LPO: variants seen among roughly 807,000 people sequenced by gnomAD.
LPO encodes lactoperoxidase, also known as salivary peroxidase.
LPO carries 70 observed loss-of-function variants against 68.4 expected under a neutral mutation model. The ratio of observed to expected loss-of-function variants is 1.02; its 90% CI spans 0.84 to 1.25. LPO has a LOEUF of 1.25. Among genes scored for constraint, LPO ranks in the 50% most tolerant of loss-of-function variants. The pLI is 0.00. For missense variants in LPO, 873 were observed against 908.4 expected, an observed-to-expected ratio of 0.96 and a Z score of 0.50; for synonymous variants, 360 against 357.6, an observed-to-expected ratio of 1.01 and a Z score of -0.08.
chr17:58,256,682 C>A (rs1052366549), intron 9 of LPO, among the ~76,000 whole-genome samples: 1 of 151,766 alleles, frequency 6.6e-6, no homozygotes, highest in Non-Finnish European at 1.5e-5. Context: ...GGTGTGGTGG[C>A]ATGCGCCTGT....
At chr17:58,253,876 T>G (rs1228184984) in intron 8 of LPO, among the ~76,000 whole-genome samples, 1 of 152,042 alleles carries the variant, frequency 6.6e-6, no homozygotes, top group Non-Finnish European at 1.5e-5. Flanking sequence ...TTTGGGAGGC[T>G]TAGGTGGGAG....
intron 3 of LPO, among the ~76,000 whole-genome samples, chr17:58,244,911 C>T (rs373158382): frequency 7.9e-5 from 12 of 152,326 alleles, no homozygotes; most frequent in African/African-American, 2.2e-4. Flanking sequence ...GCAACGTGGG[C>T]GCCTTCCCTC....
At position 58,260,113 on chromosome 17, in the gene LPO, C is replaced by T. The variant is rs146045245; in HGVS notation, c.1267-4609C>T. Among the ~76,000 whole-genome samples the T allele has an allele frequency of 1.8e-3, 271 of 152,302 alleles. 2 individuals are homozygous for T. The highest frequency in any genetic ancestry group is 6.3e-3 in the African/African-American group (261 of 41,554). ...CAGGCGTGAGCCACCATGCCCAGCC[C>T]AGTATTTCATTTTCTTTGGAGGAAT... On this transcript the variant is annotated intron_variant, in intron 9 of 12. Transcript: ENST00000262290.
At chr17:58,260,832 G>GT (rs1161531395) in intron 9 of LPO, among the ~76,000 whole-genome samples, 1 of 152,068 alleles carries the variant, frequency 6.6e-6, no homozygotes, top group African/African-American at 2.4e-5. Flanking sequence ...GATATATTGT[G>GT]TTTTTATTTT....
chr17:58,247,417 G>A, intron 3 of LPO, 61 bp from the exon 4 acceptor site: 3 of 1,169,262 alleles, frequency 2.6e-6, no homozygotes, highest in Non-Finnish European at 1.2e-6. Flanking sequence ...CACCCCTCCA[G>A]CGGCCCCCAG....
intron 6 of LPO, among the ~76,000 whole-genome samples, chr17:58,250,042 C>G (rs1969929572): frequency 6.6e-6 from 1 of 152,148 alleles, no homozygotes; most frequent in Non-Finnish European, 1.5e-5. Context: ...GAGCTGGCAG[C>G]CCCTACCCAG....
At position 58,266,270 on chromosome 17, in the gene LPO, A is replaced by G; in HGVS notation, c.1637A>G (p.His546Arg). Residue 546 changes from histidine (H) to arginine (R), a missense_variant, in exon 11 of 13, where the codon CAT (histidine) becomes CGT (arginine). Physicochemically the swap from His to Arg is conservative, Grantham distance 29 (BLOSUM62 0). Transcript: ENST00000262290. ...NKLFQPTHRI[H>R]GFDLAAINTQ... The stretch of plus-strand genomic sequence containing the variant: ...CTTTTCCAGCCAACTCACAGGATCC[A>G]TGGCTTTGACCTGGCTGCCATCAAC... The G allele has an allele frequency of 1.9e-6, 3 of 1,614,164 alleles. No individual in the cohort carries two copies. The highest frequency in any genetic ancestry group is 1.3e-5 in the African/African-American group (1 of 75,042).
intron 8 of LPO, among the ~76,000 whole-genome samples, chr17:58,253,774 T>G (rs1970008717): frequency 6.6e-6 from 1 of 152,192 alleles, no homozygotes; most frequent in Non-Finnish European, 1.5e-5. Context: ...TCTTTCTTGT[T>G]TTTCATAAAA....
At position 58,252,272 on chromosome 17, in the gene LPO, T is replaced by A; in HGVS notation, c.871T>A (p.Ser291Thr). Residue 291 changes from serine (S) to threonine (T), a missense_variant, in exon 8 of 13, where the codon TCC (serine) becomes ACC (threonine). Transcript: ENST00000262290. ...GFVCPTPPYK[S>T]LAREQINALT... ...CGTCTGCCCCACTCCACCCTACAAG[T>A]CCCTGGCCCGAGAGCAGATCAACGC... is the stretch of plus-strand genomic sequence containing the variant. 3.1e-6 allele frequency: 5 copies of A among 1,614,096 alleles called. No individual in the cohort carries two copies. Among genetic ancestry groups the A allele is most frequent in the Non-Finnish European group, 4.2e-6 (5 of 1,180,002 alleles).
chr17:58,249,171 A>AT lies in LPO; in HGVS notation c.438dup (p.Asn147Ter). On this transcript the variant is annotated frameshift_variant, in exon 5 of 13. Coordinates refer to ENST00000262290, the MANE Select transcript of LPO (RefSeq NM_006151.3). LOFTEE classifies it high-confidence loss of function. Reference sequence around the variant, plus strand: ...TACCGCACCATTACGGGAGACTGCAATAACAGGTGGCGGGGCTTGGGGTGT... The same window carrying AT: ...TACCGCACCATTACGGGAGACTGCAATTAACAGGTGGCGGGGCTTGGGGTGT... 1 of 1,613,790 alleles carries AT rather than the reference A, an allele frequency of 6.2e-7. No individual in the cohort carries two copies. Among genetic ancestry groups the AT allele is most frequent in the Non-Finnish European group, 8.5e-7 (1 of 1,179,686 alleles).
At chr17:58,242,923 C>A in intron 1 of LPO, 55 bp from the exon 2 acceptor site, 2 of 1,499,282 alleles carry the variant, frequency 1.3e-6, no homozygotes, top group Non-Finnish European at 9.3e-7. Flanking sequence ...GTGGTTCAAA[C>A]CCTCCCACTT....
intron 8 of LPO, among the ~76,000 whole-genome samples, chr17:58,254,089 G>A (rs554872744): frequency 6.6e-6 from 1 of 151,918 alleles, no homozygotes; most frequent in Admixed American, 6.6e-5. Context: ...TCCAGCCTGG[G>A]CAACAGAGCA....
intron 4 of LPO, among the ~76,000 whole-genome samples, chr17:58,248,846 A>T (rs1172856145): frequency 6.6e-6 from 1 of 152,272 alleles, no homozygotes; most frequent in East Asian, 1.9e-4. Flanking sequence ...TCTCTTGAAC[A>T]TTGTGTTCTC....
intron 5 of LPO, 70 bp from the exon 6 acceptor site, chr17:58,249,496 C>A: frequency 6.4e-7 from 1 of 1,553,672 alleles, no homozygotes; most frequent in Non-Finnish European, 8.6e-7. Flanking sequence ...CTCCTTCCCC[C>A]ATGGGGTCCT....
In LPO at chr17:58,264,197, G is replaced by A. The variant is rs759232377; in HGVS notation, c.1267-525G>A. Among the ~76,000 whole-genome samples the A allele has an allele frequency of 2.6e-5, 4 of 152,138 alleles. No homozygotes were observed. In the South Asian group the frequency reaches 8.3e-4, roughly 31 times the overall value. On this transcript the variant is annotated intron_variant, in intron 9 of 12. Coordinates refer to ENST00000262290, the MANE Select transcript of LPO (RefSeq NM_006151.3). ...AATTAATATAATTATTAGGTTATGTGGAGGCATTTTTCTTTTCTGAAAATT... is the reference window on the plus strand; with the variant it reads ...AATTAATATAATTATTAGGTTATGTAGAGGCATTTTTCTTTTCTGAAAATT...
At chr17:58,256,981 G>A (rs942423086) in intron 9 of LPO, among the ~76,000 whole-genome samples, 2 of 145,448 alleles carry the variant, frequency 1.4e-5, no homozygotes, top group Non-Finnish European at 3.0e-5. Flanking sequence ...TCAAATAGTA[G>A]GTCTTACTCT....
rs1362501137 is a variant in LPO, at chr17:58,267,464, C to A, written c.1809C>A (p.Thr603=). The A allele has an allele frequency of 1.2e-6, 2 of 1,614,090 alleles. No homozygotes were observed. Among genetic ancestry groups the A allele is most frequent in the Admixed American group, 3.3e-5 (2 of 60,006 alleles). ...AGAAGTTACTGGGTCTCTACGGGAC[C>A]CCTGACAACATCGACATCTGGATAG... ...LAKKLLGLYG[T]PDNIDIWIGA... is the part of the protein sequence containing the mutation. The change falls in exon 12 of 13, where the codon ACC becomes ACA. Residue 603 remains threonine (T), a synonymous_variant. Coordinates refer to ENST00000262290, the MANE Select transcript of LPO (RefSeq NM_006151.3).
intron 9 of LPO, among the ~76,000 whole-genome samples, chr17:58,264,508 G>A (rs533308369): frequency 6.6e-6 from 1 of 152,286 alleles, no homozygotes; most frequent in South Asian, 2.1e-4. Context: ...CCTATGTTGA[G>A]ACAAATCGTA....
intron 8 of LPO, among the ~76,000 whole-genome samples, chr17:58,253,763 T>C (rs1347102231): frequency 1.3e-5 from 2 of 152,124 alleles, no homozygotes; most frequent in East Asian, 3.8e-4. Context: ...CAAAACCGAG[T>C]TCTTTCTTGT....
Sources: gnomAD v4.1 joint callset for allele counts (sites outside exome capture counted in the v4.1 genomes callset) on GRCh38, gnomAD v4.1.1 for gene constraint, MANE v1.5 for transcripts, NCBI Gene and HGNC (gene_info 2026-07-23, HGNC 2026-07-21) for gene names.